BBS9: variants seen among roughly 807,000 people sequenced by gnomAD.
BBS9 encodes protein PTHB1.
Under a neutral mutation model 117.7 loss-of-function variants are expected in BBS9, and 89 were observed. That is an observed-to-expected ratio of 0.76 (90% CI 0.64 to 0.90). The LOEUF (loss-of-function observed/expected upper bound fraction) is 0.90, where lower values mean the gene tolerates loss of function less well. Among genes scored for constraint, BBS9 ranks in the 40% least tolerant of loss-of-function variants. BBS9 has a pLI of 0.00. For missense variants in BBS9, 982 were observed against 1,042.2 expected (o/e 0.94, Z 0.80); for synonymous variants, 379 against 370.9 (o/e 1.02, Z -0.25).
At chr7:33,592,641 A>G (rs1862120116) in intron 21 of BBS9, among the ~76,000 whole-genome samples, 1 of 152,074 alleles carries the variant, frequency 6.6e-6, no homozygotes, top group Non-Finnish European at 1.5e-5. Context: ...GTCTTCTCTC[A>G]ACCTGTTTCC....
chr7:33,546,495 C>T (rs1250269901), intron 21 of BBS9, among the ~76,000 whole-genome samples: 1 of 152,078 alleles, frequency 6.6e-6, no homozygotes, highest in Non-Finnish European at 1.5e-5. Context: ...CTCCTATCTA[C>T]CATATTAAAT....
intron 5 of BBS9, among the ~76,000 whole-genome samples, chr7:33,225,963 G>A (rs1417184294): frequency 6.6e-6 from 1 of 152,066 alleles, no homozygotes; most frequent in Non-Finnish European, 1.5e-5. Flanking sequence ...GCACACATTT[G>A]TATATATATT....
chr7:33,422,489 A>G (rs746941770), intron 19 of BBS9, among the ~76,000 whole-genome samples: 5 of 152,170 alleles, frequency 3.3e-5, no homozygotes, highest in Non-Finnish European at 7.4e-5. Context: ...TGATACTTTA[A>G]TTGTGTTGGT....
At position 33,411,571 on chromosome 7, in the gene BBS9, C is replaced by A. The variant is rs188885523; in HGVS notation, c.2115+23427C>A. 3.8e-4 allele frequency among the ~76,000 whole-genome samples: 58 copies of A among 152,088 alleles called. 1 individual carries two copies. Among genetic ancestry groups the A allele is most frequent in the Non-Finnish European group, 4.7e-4 (32 of 67,964 alleles). ...ACGCAAAAATTGTGTATTTTTATTGCTTTTTATATAAACTTATATATGTAC... is the reference window on the plus strand; with the variant it reads ...ACGCAAAAATTGTGTATTTTTATTGATTTTTATATAAACTTATATATGTAC... On this transcript the variant is annotated intron_variant, in intron 19 of 22. Coordinates refer to ENST00000242067, the MANE Select transcript of BBS9 (RefSeq NM_198428.3).
At chr7:33,527,775 C>T (rs569399572) in intron 20 of BBS9, among the ~76,000 whole-genome samples, 25 of 152,246 alleles carry the variant, frequency 1.6e-4, no homozygotes, top group Admixed American at 2.6e-4. Context: ...CTCCTCCTCT[C>T]GGGCTGTTTT....
At chr7:33,207,083 A>G (rs757763218) in intron 5 of BBS9, among the ~76,000 whole-genome samples, 2 of 152,196 alleles carry the variant, frequency 1.3e-5, no homozygotes, top group Non-Finnish European at 2.9e-5. Context: ...ATTATCACAT[A>G]GAAGCATCCT....
At chr7:33,515,968 G>A (rs1257210328) in intron 20 of BBS9, among the ~76,000 whole-genome samples, 1 of 152,142 alleles carries the variant, frequency 6.6e-6, no homozygotes, top group South Asian at 2.1e-4. Flanking sequence ...ATAAGTCATG[G>A]TGTGGTTTTA....
Position 33,548,350 on chromosome 7 carries a change from CT to C in BBS9, c.2521+14183del, listed in dbSNP as rs200406351. Among the ~76,000 whole-genome samples the C allele has an allele frequency of 9.1e-4, 138 of 151,460 alleles. 3 individuals carry two copies. In the East Asian group the frequency reaches 0.011, roughly 12 times the overall value. ...TCACCCATCTATAAATGTGAACTGC[CT>C]TTTTTTTTATTATACTTTAAGTTTT... On this transcript the variant is annotated intron_variant, in intron 21 of 22. Coordinates refer to ENST00000242067, the MANE Select transcript of BBS9 (RefSeq NM_198428.3).
chr7:33,361,702 A>T (rs6960917), intron 16 of BBS9, among the ~76,000 whole-genome samples: 1 of 151,568 alleles, frequency 6.6e-6, no homozygotes, highest in African/African-American at 2.4e-5. Context: ...CCTTCTTTTA[A>T]GGTTTATATT....
chr7:33,339,639 T>C (rs749546594), intron 10 of BBS9, among the ~76,000 whole-genome samples: 1 of 152,156 alleles, frequency 6.6e-6, no homozygotes, highest in Non-Finnish European at 1.5e-5. Context: ...CTAGGTGTTA[T>C]GTGCAGATAT....
intron 19 of BBS9, among the ~76,000 whole-genome samples, chr7:33,420,313 A>G (rs760112905): frequency 7.9e-5 from 12 of 152,320 alleles, no homozygotes; most frequent in Non-Finnish European, 1.5e-4. Context: ...TGACCCTTCC[A>G]AATGGCTTAT....
intron 16 of BBS9, among the ~76,000 whole-genome samples, chr7:33,360,318 A>C (rs1584485714): frequency 6.6e-6 from 1 of 152,122 alleles, no homozygotes. Flanking sequence ...ATAGTGTGAA[A>C]TTGACTTCCT....
chr7:33,314,154 TAA>T, intron 9 of BBS9: 1 of 325,108 alleles, frequency 3.1e-6, no homozygotes, highest in Non-Finnish European at 5.9e-6. Context: ...AGGAAGGGGT[TAA>T]TACAGTGGAA....
chr7:33,215,418 G>T (rs1489171433), intron 5 of BBS9, among the ~76,000 whole-genome samples: 1 of 152,172 alleles, frequency 6.6e-6, no homozygotes, highest in Non-Finnish European at 1.5e-5. Context: ...AATAAATGCT[G>T]CTGGGAAAAT....
intron 19 of BBS9, among the ~76,000 whole-genome samples, chr7:33,403,786 G>A (rs988910273): frequency 6.6e-6 from 1 of 152,096 alleles, no homozygotes; most frequent in African/African-American, 2.4e-5. Context: ...ACGTGTGCAT[G>A]TGTCTTTATA....
intron 21 of BBS9, among the ~76,000 whole-genome samples, chr7:33,542,934 A>G (rs952515784): frequency 6.6e-6 from 1 of 152,086 alleles, no homozygotes; most frequent in Non-Finnish European, 1.5e-5. Context: ...ATGTGCAAGT[A>G]TCTTTTTCAA....
At chr7:33,195,248 C>A (rs2128200524) in intron 5 of BBS9, among the ~76,000 whole-genome samples, 1 of 152,222 alleles carries the variant, frequency 6.6e-6, no homozygotes, top group South Asian at 2.1e-4. Context: ...AATGATTGAA[C>A]CAAAATAGAC....
intron 19 of BBS9, among the ~76,000 whole-genome samples, chr7:33,479,796 A>G (rs570974792): frequency 2.0e-5 from 3 of 152,010 alleles, no homozygotes; most frequent in East Asian, 3.9e-4. Context: ...TGGTATCTTC[A>G]TTTTGGTTTT....
At chr7:33,249,226 G>GACACAC (rs143505945) in intron 5 of BBS9, among the ~76,000 whole-genome samples, 14,249 of 148,336 alleles carry the variant, frequency 0.096, 719 homozygotes, top group African/African-American at 0.13. Flanking sequence ...TGGGCATGGG[G>GACACAC]ACACACACAC....
Sources: allele counts gnomAD v4.1 joint callset (sites outside exome capture counted in the v4.1 genomes callset), GRCh38; gene constraint gnomAD v4.1.1; transcripts MANE v1.5; gene names NCBI Gene and HGNC (gene_info 2026-07-23, HGNC 2026-07-21).